The following ANKRD33B variants were observed in gnomAD, a reference collection of about 807,000 sequenced individuals.
ANKRD33B encodes the protein ankyrin repeat domain-containing protein 33B.
Under a neutral mutation model 21.5 loss-of-function variants are expected in ANKRD33B, and 6 were observed. That is an observed-to-expected ratio of 0.28 (90% confidence interval 0.15 to 0.55). The LOEUF is 0.55. Among genes scored for constraint, ANKRD33B ranks in the 20% least tolerant of loss-of-function variants. ANKRD33B has a pLI of 0.94. For synonymous variants in ANKRD33B, 347 were observed against 342.4 expected (o/e 1.01, Z -0.15); for missense variants, 698 against 747.2 (o/e 0.93, Z 0.77).
rs1253667784 is a variant in ANKRD33B, at chr5:10,576,524, CT to C, written c.366+11694del. Reference sequence around the variant, plus strand: ...TGGACAAGTCCCATGATCTTTTGATCTTTAGTTTCCTTTAGATACCCATCTA... The same window carrying C: ...TGGACAAGTCCCATGATCTTTTGATCTTAGTTTCCTTTAGATACCCATCTA... On this transcript the variant is annotated intron_variant, in intron 1 of 3. Transcript: ENST00000296657. This position sits in a 1 kb window ranked among gnomAD's most constrained non-coding sequence, Gnocchi z 4.1. Among the ~76,000 whole-genome samples, 1 of 152,166 alleles carries C rather than the reference CT, an allele frequency of 6.6e-6. No individual in the cohort carries two copies. Among genetic ancestry groups the C allele is most frequent in the Non-Finnish European group, 1.5e-5 (1 of 68,014 alleles).
At chr5:10,629,141 G>A (rs1413112584) in intron 2 of ANKRD33B, among the ~76,000 whole-genome samples, 2 of 152,200 alleles carry the variant, frequency 1.3e-5, no homozygotes, top group African/African-American at 4.8e-5. Flanking sequence ...GATGGTCAGA[G>A]GCCCCTGTTG....
At chr5:10,638,765 G>A (rs1736937568) in intron 3 of ANKRD33B, among the ~76,000 whole-genome samples, 1 of 152,196 alleles carries the variant, frequency 6.6e-6, no homozygotes, top group Admixed American at 6.5e-5. Flanking sequence ...AACGTTAGGA[G>A]GCGACATGTT....
At chr5:10,624,430 T>G (rs1444394999) in intron 2 of ANKRD33B, among the ~76,000 whole-genome samples, 1 of 151,852 alleles carries the variant, frequency 6.6e-6, no homozygotes, top group African/African-American at 2.4e-5. Context: ...GGGCCTGGCC[T>G]TTTTTTTCTT....
chr5:10,639,557 C>T (rs1256158578), intron 3 of ANKRD33B, among the ~76,000 whole-genome samples: 4 of 25,860 alleles, frequency 1.5e-4, no homozygotes, highest in East Asian at 8.9e-4. Flanking sequence ...AGTTGCGCGG[C>T]GATGTTAGGC....
chr5:10,601,445 C>T (rs189222765), intron 1 of ANKRD33B, among the ~76,000 whole-genome samples: 29 of 152,314 alleles, frequency 1.9e-4, no homozygotes, highest in South Asian at 6.2e-4. Flanking sequence ...GCTTGGCTAA[C>T]GAGGCTCAAC....
chr5:10,614,626 C>G (rs998140484), intron 1 of ANKRD33B, among the ~76,000 whole-genome samples: 1 of 152,158 alleles, frequency 6.6e-6, no homozygotes, highest in Non-Finnish European at 1.5e-5. Flanking sequence ...ATGGCTCACA[C>G]CTGTAATCCC....
At chr5:10,639,015 CGCGGA>C (rs1736950940) in intron 3 of ANKRD33B, among the ~76,000 whole-genome samples, 1 of 76,092 alleles carries the variant, frequency 1.3e-5, no homozygotes, top group Non-Finnish European at 2.7e-5. Context: ...TAGGCGGTGA[CGCGGA>C]GTTGCGCGGC....
At chr5:10,612,791 T>C (rs1346620080) in intron 1 of ANKRD33B, among the ~76,000 whole-genome samples, 1 of 152,236 alleles carries the variant, frequency 6.6e-6, no homozygotes, top group Non-Finnish European at 1.5e-5. Flanking sequence ...CCTGAGATGA[T>C]TGAAACTTGC....
intron 3 of ANKRD33B, among the ~76,000 whole-genome samples, chr5:10,639,733 A>G (rs1456641571): frequency 7.2e-4 from 10 of 13,836 alleles, no homozygotes; most frequent in Admixed American, 1.0e-3. Flanking sequence ...GGTGACGCGG[A>G]GTTGCGCGGC....
chr5:10,646,415 A>G (rs1359291715), intron 3 of ANKRD33B, among the ~76,000 whole-genome samples: 1 of 152,190 alleles, frequency 6.6e-6, no homozygotes, highest in Non-Finnish European at 1.5e-5. Context: ...GTTGCTTCCT[A>G]AGGCAGCAGA....
At chr5:10,634,545 C>T (rs1308059438) in intron 2 of ANKRD33B, among the ~76,000 whole-genome samples, 1 of 151,182 alleles carries the variant, frequency 6.6e-6, no homozygotes, top group Non-Finnish European at 1.5e-5. Context: ...CTGCAACCTC[C>T]ACCTCCTGGG....
At chr5:10,598,556 T>G (rs1428837106) in intron 1 of ANKRD33B, among the ~76,000 whole-genome samples, 2 of 152,190 alleles carry the variant, frequency 1.3e-5, no homozygotes, top group African/African-American at 4.8e-5. Flanking sequence ...CGTGAGTCAC[T>G]GTGTCTGGCC....
At chr5:10,571,910 C>A (rs1400642036) in intron 1 of ANKRD33B, among the ~76,000 whole-genome samples, 4 of 109,608 alleles carry the variant, frequency 3.6e-5, no homozygotes, top group African/African-American at 1.3e-4. Flanking sequence ...TTTTTTGAGA[C>A]GGAGTTTTGC....
At chr5:10,635,660 C>T (rs1736840674) in intron 2 of ANKRD33B, among the ~76,000 whole-genome samples, 2 of 152,208 alleles carry the variant, frequency 1.3e-5, no homozygotes, top group African/African-American at 4.8e-5. Flanking sequence ...AGAGTTCACC[C>T]CTGATTTTGG....
chr5:10,626,857 G>A (rs1415015257), intron 2 of ANKRD33B, among the ~76,000 whole-genome samples: 1 of 152,204 alleles, frequency 6.6e-6, no homozygotes, highest in Admixed American at 6.5e-5. Context: ...AGTGATGGAG[G>A]ATGGCTTGTG....
intron 1 of ANKRD33B, among the ~76,000 whole-genome samples, chr5:10,594,540 T>C (rs1735777892): frequency 6.6e-6 from 1 of 152,128 alleles, no homozygotes; most frequent in Non-Finnish European, 1.5e-5. Context: ...TTCTTTCTAC[T>C]TGTTATTCCC....
intron 1 of ANKRD33B, 45 bp from the exon 2 acceptor site, chr5:10,618,288 G>A: frequency 5.9e-6 from 9 of 1,535,610 alleles, no homozygotes; most frequent in South Asian, 1.2e-5. Context: ...GACCCACCAT[G>A]CTCCGACTCT....
At chr5:10,601,053 T>C (rs1451323120) in intron 1 of ANKRD33B, among the ~76,000 whole-genome samples, 1 of 152,152 alleles carries the variant, frequency 6.6e-6, no homozygotes, top group Admixed American at 6.5e-5. Context: ...CTGACAGCTA[T>C]GAGTCAGACA....
At chr5:10,644,818 C>T (rs1050093792) in intron 3 of ANKRD33B, among the ~76,000 whole-genome samples, 2 of 152,182 alleles carry the variant, frequency 1.3e-5, no homozygotes, top group Non-Finnish European at 2.9e-5. Flanking sequence ...GCAAAGCAAA[C>T]CTCGAGACAA....
Sources: allele counts gnomAD v4.1 joint callset (sites outside exome capture counted in the v4.1 genomes callset), GRCh38; gene constraint gnomAD v4.1.1; non-coding constraint Gnocchi (gnomAD v3.1); transcripts MANE v1.5; gene names NCBI Gene and HGNC (gene_info 2026-07-23, HGNC 2026-07-21).